PIK3R3: variants seen among roughly 807,000 people sequenced by gnomAD.
PIK3R3 encodes phosphatidylinositol 3-kinase regulatory subunit gamma.
In PIK3R3, 64 loss-of-function variants were observed where a neutral mutation model predicts 62.9. The observed-to-expected ratio is 1.02, with a 90% CI of 0.83 to 1.25. The LOEUF (loss-of-function observed/expected upper bound fraction) is 1.25, where lower values mean the gene tolerates loss of function less well. PIK3R3 is among the 50% of genes most tolerant of loss of function. PIK3R3 has a pLI of 0.00. For missense variants in PIK3R3, 614 were observed against 561.6 expected, an observed-to-expected ratio of 1.09 and a Z score of -0.94; for synonymous variants, 165 against 189.0, an observed-to-expected ratio of 0.87 and a Z score of 1.04.
At chr1:46,089,799 T>C (rs905105696) in intron 1 of PIK3R3, among the ~76,000 whole-genome samples, 3 of 151,804 alleles carry the variant, frequency 2.0e-5, no homozygotes, top group Admixed American at 1.3e-4. Context: ...AGTGTAAATA[T>C]TGGAAGATAA....
At chr1:46,068,086 T>A (rs1444984614) in intron 3 of PIK3R3, among the ~76,000 whole-genome samples, 1 of 152,202 alleles carries the variant, frequency 6.6e-6, no homozygotes, top group Non-Finnish European at 1.5e-5. Flanking sequence ...ATAAATGACC[T>A]TTTTGTAAAA....
rs1178416495 is a variant in PIK3R3 at position 46,132,221 on chromosome 1, G to A, written c.-269C>T. ...GAGGCTTGGGGGACGGAGAGCAGAG[G>A]TGTTAAAAAGCGGCTTCCCAAAAAT... is the stretch of plus-strand genomic sequence containing the variant. On this transcript the variant is annotated 5_prime_UTR_variant, in exon 1 of 10. Coordinates refer to ENST00000262741, the MANE Select transcript of PIK3R3 (RefSeq NM_003629.4). 1 of 1,201,604 alleles carries A rather than the reference G, an allele frequency of 8.3e-7. No homozygotes were observed. The highest frequency in any genetic ancestry group is 1.0e-6 in the Non-Finnish European group (1 of 961,614). 74.4% of individuals were successfully genotyped at this position (1,201,604 alleles called of 1,614,324 possible). A position where few individuals can be genotyped will look rare whatever the true frequency, so the allele number is the denominator to read the frequency against.
At chr1:46,150,394 G>A in the PIK3R3 span, among the ~76,000 whole-genome samples, 4 of 152,168 alleles carry the variant, frequency 2.6e-5, no homozygotes, top group African/African-American at 7.2e-5. Context: ...TCACTAAATG[G>A]AATATATAGG....
intron 1 of PIK3R3, among the ~76,000 whole-genome samples, chr1:46,123,949 A>T (rs1172829925): frequency 6.6e-6 from 1 of 152,214 alleles, no homozygotes; most frequent in Non-Finnish European, 1.5e-5. Flanking sequence ...ACTTGGGTTG[A>T]CATTTCCATA....
intron 3 of PIK3R3, among the ~76,000 whole-genome samples, chr1:46,070,147 A>ATT (rs1649355706): frequency 6.6e-6 from 1 of 152,212 alleles, no homozygotes; most frequent in African/African-American, 2.4e-5. Flanking sequence ...ATGGGAGATA[A>ATT]TAGAGTATAT....
intron 3 of PIK3R3, among the ~76,000 whole-genome samples, chr1:46,068,278 TA>T (rs1649189681): frequency 6.6e-6 from 1 of 152,188 alleles, no homozygotes; most frequent in Non-Finnish European, 1.5e-5. Context: ...CTGTTAAAGT[TA>T]AAAGACATTC....
intron 1 of PIK3R3, chr1:46,131,646 C>T: frequency 4.2e-6 from 2 of 479,592 alleles, no homozygotes; most frequent in South Asian, 3.0e-5. Flanking sequence ...CCCCCACCTT[C>T]GCAGGACAAT....
At chr1:46,117,828 GGAGGCCAGGGTAAGGGAATTGCCT>G (rs1261187505) in intron 1 of PIK3R3, among the ~76,000 whole-genome samples, 1 of 152,164 alleles carries the variant, frequency 6.6e-6, no homozygotes, top group Non-Finnish European at 1.5e-5. Context: ...CCAGCACTTG[GGAGGCCAGGGTAAGGGAATTGCCT>G]GAGGCCAGGA....
chr1:46,131,378 C>T (rs1655565993), intron 1 of PIK3R3, among the ~76,000 whole-genome samples: 1 of 152,004 alleles, frequency 6.6e-6, no homozygotes, highest in Non-Finnish European at 1.5e-5. Flanking sequence ...AGAAGTTAAC[C>T]GGGGTAAAAC....
At chr1:46,128,931 T>A (rs1375141700) in intron 1 of PIK3R3, among the ~76,000 whole-genome samples, 2 of 151,926 alleles carry the variant, frequency 1.3e-5, no homozygotes, top group Admixed American at 1.3e-4. Flanking sequence ...AATTAGCTGG[T>A]GTGGTGGTAC....
chr1:46,048,467 C>T (rs1402515806), intron 7 of PIK3R3: 1 of 152,200 alleles, frequency 6.6e-6, no homozygotes, highest in African/African-American at 2.4e-5. Context: ...CCCTCCCCCA[C>T]ACCATCGCGT....
At chr1:46,113,796 T>C (rs984648931) in intron 1 of PIK3R3, among the ~76,000 whole-genome samples, 4 of 152,226 alleles carry the variant, frequency 2.6e-5, no homozygotes, top group Middle Eastern at 3.2e-3. Context: ...GGCTAGGTAT[T>C]GAAGATCCAG....
chr1:46,105,357 G>T (rs1653099887), intron 1 of PIK3R3, among the ~76,000 whole-genome samples: 1 of 152,110 alleles, frequency 6.6e-6, no homozygotes, highest in Admixed American at 6.6e-5. Flanking sequence ...AAAATTAGCT[G>T]ACATGGCGAC....
chr1:46,065,923 T>C, intron 5 of PIK3R3, 131 bp downstream of exon 5: 2 of 757,250 alleles, frequency 2.6e-6, no homozygotes, highest in Non-Finnish European at 4.5e-6. Flanking sequence ...TTTATATCAT[T>C]AAAGTTTCAA....
At chr1:46,149,408 C>A in the PIK3R3 span, among the ~76,000 whole-genome samples, 2,599 of 105,440 alleles carry the variant, frequency 0.025, 98 homozygotes, top group African/African-American at 0.085. Context: ...GGCGACAGAG[C>A]AAGACTCTGT....
At chr1:46,062,172 T>C in intron 5 of PIK3R3, 101 bp from the exon 6 acceptor site, 1 of 950,920 alleles carries the variant, frequency 1.1e-6, no homozygotes. Context: ...ATTAATGTAA[T>C]CCCATATAAC....
At chr1:46,047,196 G>A (rs986285503) in intron 7 of PIK3R3, 2 of 152,440 alleles carry the variant, frequency 1.3e-5, no homozygotes, top group Non-Finnish European at 2.9e-5. Flanking sequence ...CCAGCACTTT[G>A]GGAGGCCAAG....
intron 1 of PIK3R3, among the ~76,000 whole-genome samples, chr1:46,105,641 C>A (rs559172274): frequency 6.6e-6 from 1 of 151,856 alleles, no homozygotes; most frequent in Non-Finnish European, 1.5e-5. Context: ...GCCAACACAG[C>A]GAAACCCCAT....
rs531250959 is a variant in PIK3R3 at position 46,123,326 on chromosome 1, A to G, written c.106+8521T>C. On this transcript the variant is annotated intron_variant, in intron 1 of 9. Transcript: ENST00000262741. Reference sequence around the variant, plus strand: ...TGGAGGTGAGACGGGCATATTCTACATAGGAAGCAGCTTAAGCAAAAGCTT... The same window carrying G: ...TGGAGGTGAGACGGGCATATTCTACGTAGGAAGCAGCTTAAGCAAAAGCTT... 5.9e-5 allele frequency among the ~76,000 whole-genome samples: 9 copies of G among 152,316 alleles called. No individual in the cohort carries two copies. The South Asian group carries it at 1.9e-3, about 32-fold the overall frequency.
Sources: gnomAD v4.1 joint callset for allele counts (sites outside exome capture counted in the v4.1 genomes callset) on GRCh38, gnomAD v4.1.1 for gene constraint, MANE v1.5 for transcripts, NCBI Gene and HGNC (gene_info 2026-07-23, HGNC 2026-07-21) for gene names.